Variants in WFDC1 observed in about 807,000 individuals in gnomAD.
WFDC1 encodes WAP four-disulfide core domain 1.
In WFDC1, 39 loss-of-function variants were observed where a neutral mutation model predicts 32.9. The ratio of observed to expected loss-of-function variants is 1.19; its 90% CI spans 0.92 to 1.55. The LOEUF is 1.55. Ranked by LOEUF, WFDC1 falls within the 40% of genes most tolerant of loss-of-function variation. The pLI, the probability that WFDC1 is intolerant of heterozygous loss-of-function variation, is 0.00. For synonymous variants in WFDC1, 184 were observed against 137.4 expected (o/e 1.34, Z -2.37); for missense variants, 386 against 309.5 (o/e 1.25, Z -1.85).
intron 4 of WFDC1, among the ~76,000 whole-genome samples, chr16:84,323,626 C>A (rs1160674480): frequency 8.5e-5 from 13 of 152,150 alleles, no homozygotes; most frequent in Non-Finnish European, 1.5e-5. Flanking sequence ...TAATTTTATG[C>A]CTATTTTTAG....
chr16:84,319,674 C>T, intron 4 of WFDC1, 103 bp downstream of exon 4: 2 of 1,482,978 alleles, frequency 1.3e-6, no homozygotes, highest in East Asian at 2.4e-5. Context: ...GAAGCAGCCC[C>T]AGCACCTGGG....
chr16:84,307,689 G>A (rs28435646), intron 1 of WFDC1, among the ~76,000 whole-genome samples: 6,643 of 152,186 alleles, frequency 0.044, 429 homozygotes, highest in African/African-American at 0.15. Context: ...TAAGCTGGGC[G>A]GAAAAATAAG....
At chr16:84,308,779 G>A (rs1259633035) in intron 1 of WFDC1, among the ~76,000 whole-genome samples, 1 of 151,490 alleles carries the variant, frequency 6.6e-6, no homozygotes, top group Non-Finnish European at 1.5e-5. Flanking sequence ...GGGTGTAGAC[G>A]CCATGCTGAG....
chr16:84,308,362 T>C (rs1023252694), intron 1 of WFDC1, among the ~76,000 whole-genome samples: 1 of 152,052 alleles, frequency 6.6e-6, no homozygotes, highest in Non-Finnish European at 1.5e-5. Context: ...GCTACCCAGA[T>C]AGGCACGCAG....
intron 2 of WFDC1, chr16:84,317,337 TAAG>T (rs1418863624): frequency 9.3e-6 from 1 of 108,030 alleles, no homozygotes; most frequent in African/African-American, 3.7e-5. Context: ...AATAAATAAA[TAAG>T]AAGTAAATAA....
intron 1 of WFDC1, among the ~76,000 whole-genome samples, chr16:84,304,235 T>C (rs1371945191): frequency 6.6e-6 from 1 of 152,222 alleles, no homozygotes; most frequent in Non-Finnish European, 1.5e-5. Context: ...TGTTCATCTA[T>C]ATGAACAAAA....
intron 1 of WFDC1, among the ~76,000 whole-genome samples, chr16:84,306,810 A>G (rs1449301295): frequency 6.6e-6 from 1 of 152,136 alleles, no homozygotes; most frequent in African/African-American, 2.4e-5. Flanking sequence ...TTCCACCCGA[A>G]GAATATTTAC....
chr16:84,310,499 T>A (rs1205210350), intron 1 of WFDC1, among the ~76,000 whole-genome samples: 1 of 150,892 alleles, frequency 6.6e-6, no homozygotes, highest in African/African-American at 2.5e-5. Context: ...TGAAGAAGAA[T>A]GTGTACATGG....
chr16:84,321,914 G>T (rs1265096526), intron 4 of WFDC1, among the ~76,000 whole-genome samples: 1 of 152,202 alleles, frequency 6.6e-6, no homozygotes, highest in Non-Finnish European at 1.5e-5. Flanking sequence ...CTGTAAAATA[G>T]AGATGGCGAT....
intron 1 of WFDC1, among the ~76,000 whole-genome samples, chr16:84,309,702 C>G (rs558923385): frequency 5.9e-5 from 9 of 152,086 alleles, no homozygotes; most frequent in Admixed American, 2.6e-4. Flanking sequence ...CCGCGCCCCC[C>G]CAACTCCAGA....
At position 84,295,029 on chromosome 16, in the gene WFDC1, T is replaced by C; in HGVS notation, c.58T>C (p.Cys20Arg). 2 of 1,614,230 alleles carry C rather than the reference T, an allele frequency of 1.2e-6. No individual in the cohort carries two copies. Among genetic ancestry groups the C allele is most frequent in the Non-Finnish European group, 1.7e-6 (2 of 1,180,038 alleles). Residue 20 changes from cysteine to arginine, a missense_variant, in exon 1 of 7, where the codon TGC (cysteine) becomes CGC (arginine). Coordinates refer to ENST00000219454, the MANE Select transcript of WFDC1 (RefSeq NM_021197.4). ...CAGGAGGCAGATCATCCGGGCTCTG[T>C]GCCTCTTGCTACTTCTCCTCCACGC... ...SCRRQIIRAL[C>R]LLLLLLHAGS...
At chr16:84,323,041 A>G (rs141090787) in intron 4 of WFDC1, among the ~76,000 whole-genome samples, 158 of 152,284 alleles carry the variant, frequency 1.0e-3, no homozygotes, top group African/African-American at 3.7e-3. Flanking sequence ...TTGTGGTGTT[A>G]TGGGCCAGAA....
At chr16:84,305,324 G>T (rs1907186699) in intron 1 of WFDC1, among the ~76,000 whole-genome samples, 1 of 152,232 alleles carries the variant, frequency 6.6e-6, no homozygotes, top group Non-Finnish European at 1.5e-5. Context: ...ACCTACTGGG[G>T]AGGGCTGGAG....
In WFDC1 at chr16:84,313,107, C is replaced by T. The variant is rs756224386; in HGVS notation, c.291C>T (p.Tyr97=). ...GCCCGCGGCACCGGCGCTGCTGCTA[C>T]AACGGATGCGCCTACGCCTGCCTAG... ...SECPRHRRCC[Y]NGCAYACLEA... is the part of the protein sequence containing the mutation. The change falls in exon 2 of 7, where the codon TAC becomes TAT. Residue 97 remains tyrosine, a synonymous_variant. Transcript: ENST00000219454. 49 of 1,441,932 alleles carry T rather than the reference C, an allele frequency of 3.4e-5. No individual in the cohort carries two copies. The South Asian group carries it at 6.8e-4, about 20-fold the overall frequency. The allele number at this position is 1,441,932 out of a possible 1,614,324, so 89.3% of individuals were successfully genotyped here.
chr16:84,321,449 G>A (rs1250644399), intron 4 of WFDC1, among the ~76,000 whole-genome samples: 2 of 152,224 alleles, frequency 1.3e-5, no homozygotes. Flanking sequence ...CCAAAAGAGA[G>A]CTGTGGGGCG....
intron 1 of WFDC1, among the ~76,000 whole-genome samples, chr16:84,301,300 A>G (rs942479936): frequency 6.6e-6 from 1 of 152,216 alleles, no homozygotes; most frequent in Non-Finnish European, 1.5e-5. Context: ...ACACGAATAC[A>G]GTCTGCTCTG....
At chr16:84,314,100 C>G (rs1907811396) in intron 2 of WFDC1, among the ~76,000 whole-genome samples, 1 of 152,080 alleles carries the variant, frequency 6.6e-6, no homozygotes, top group Non-Finnish European at 1.5e-5. Context: ...GGTGGACCTG[C>G]CACTCCAAAG....
intron 4 of WFDC1, among the ~76,000 whole-genome samples, chr16:84,322,096 G>T (rs1316350646): frequency 6.6e-6 from 1 of 151,864 alleles, no homozygotes; most frequent in African/African-American, 2.4e-5. Flanking sequence ...CCCAAAAGAT[G>T]CAGAGCTGGA....
intron 1 of WFDC1, among the ~76,000 whole-genome samples, chr16:84,311,983 T>C (rs983341094): frequency 2.6e-5 from 4 of 152,018 alleles, no homozygotes; most frequent in Non-Finnish European, 5.9e-5. Flanking sequence ...CTGGCCAACA[T>C]GTAGAAACCC....
Sources: allele counts gnomAD v4.1 joint callset (sites outside exome capture counted in the v4.1 genomes callset), GRCh38; gene constraint gnomAD v4.1.1; transcripts MANE v1.5; gene names NCBI Gene and HGNC (gene_info 2026-07-23, HGNC 2026-07-21).